Variants in KLK8 observed in about 807,000 individuals in gnomAD.
KLK8 encodes kallikrein related peptidase 8, also known as kallikrein-8.
Under a neutral mutation model 26.7 loss-of-function variants are expected in KLK8, and 18 were observed. That is an observed-to-expected ratio of 0.67 (90% CI 0.47 to 1.00). The LOEUF (loss-of-function observed/expected upper bound fraction) is 1.00. KLK8 is among the 50% of genes least tolerant of loss of function. The probability of loss-of-function intolerance (pLI) is 0.00; values close to 1 mark genes in which losing one functional copy is unlikely to be tolerated. For missense variants in KLK8, 301 were observed against 331.7 expected (o/e 0.91, Z 0.72); for synonymous variants, 137 against 127.1 (o/e 1.08, Z -0.52).
chr19:51,000,171 G>A, exon 5 of KLK8: 1 of 1,613,292 alleles, frequency 6.2e-7, no homozygotes, highest in South Asian at 1.1e-5. Context: ...TGTAGCAGGG[G>A]TGTGGGATGG....
chr19:50,998,771 C>T (rs761807807), intron 5 of KLK8, among the ~76,000 whole-genome samples: 6 of 152,176 alleles, frequency 3.9e-5, no homozygotes, highest in South Asian at 4.1e-4. Context: ...TACCATGTAG[C>T]AGGCACCATT....
chr19:51,001,117 C>T (rs1196201653), exon 3 of KLK8: 14 of 1,613,128 alleles, frequency 8.7e-6, no homozygotes, highest in Non-Finnish European at 1.0e-5. Context: ...CTCCCCCCAG[C>T]AAGAGCAGGA....
intron 2 of KLK8, 124 bp downstream of exon 1, chr19:51,001,408 G>C: frequency 1.9e-6 from 1 of 533,188 alleles, no homozygotes; most frequent in Non-Finnish European, 3.4e-6. Flanking sequence ...ATTAGGGAGA[G>C]GAGGAAGCCG....
At chr19:51,000,032 T>C (rs2091206648) in exon 5 of KLK8, 1 of 1,610,082 alleles carries the variant, frequency 6.2e-7, no homozygotes, top group Non-Finnish European at 8.5e-7. Flanking sequence ...CCTGAGACGG[T>C]GCACTTCTGG....
At chr19:50,997,695 A>T in intron 6 of KLK8, 56 bp downstream of exon 5, 1 of 1,602,050 alleles carries the variant, frequency 6.2e-7, no homozygotes, top group Non-Finnish European at 8.5e-7. Context: ...CCAAGCCTTG[A>T]ACCTCGAGAG....
chr19:50,996,279 C>T, intron 6 of KLK8, 65 bp from the exon 6 acceptor site: 1 of 1,562,706 alleles, frequency 6.4e-7, no homozygotes, highest in Non-Finnish European at 8.8e-7. Flanking sequence ...TTCCTGCTGT[C>T]CCAGCGTTTT....
rs527462727 is a variant in KLK8 at position 51,000,670 on chromosome 19, G to A, written c.71-87C>T. On this transcript the variant is annotated intron_variant, in intron 3 of 6. Coordinates refer to ENST00000600767, the Ensembl canonical transcript of KLK8. ...CCACTGTGGGTTCAAATGGACACAC[G>A]GCAAGTTCTCCGCATACAACTTAGT... 91 of 1,579,686 alleles carry A rather than the reference G, an allele frequency of 5.8e-5. No homozygotes were observed. Among genetic ancestry groups the A allele is most frequent in the African/African-American group, 3.4e-4 (25 of 74,194 alleles).
chr19:51,000,231 G>C (rs2091209076), exon 5 of KLK8: 1 of 1,597,346 alleles, frequency 6.3e-7, no homozygotes. Flanking sequence ...TCTGTAGGCT[G>C]TGGTCTCCCA....
In KLK8 at chr19:50,999,999, G is replaced by A. The variant is rs141364459; in HGVS notation, c.490C>T (p.Arg164Ter). ...CATTAGTGGACAAGCCCACTACCTC[G>A]GGGACTGGTGACAGTGCCCCAGCCT... The change falls in exon 5 of 7, where the codon CGA (arginine) becomes TGA (stop). Residue 164 changes from arginine to a stop codon, truncating the protein, a stop_gained. Transcript: ENST00000600767. LOFTEE classifies it high-confidence loss of function. 5.0e-6 allele frequency: 8 copies of A among 1,592,768 alleles called. No individual in the cohort carries two copies. In the Admixed American group the frequency reaches 8.4e-5, roughly 17 times the overall value.
chr19:50,998,255 C>T (rs2091188432), intron 5 of KLK8, among the ~76,000 whole-genome samples: 1 of 152,196 alleles, frequency 6.6e-6, no homozygotes, highest in Non-Finnish European at 1.5e-5. Context: ...AATCCTGCTC[C>T]TTCCAAGTGT....
At chr19:50,996,765 A>T (rs1722563) in intron 6 of KLK8, among the ~76,000 whole-genome samples, 64,457 of 146,756 alleles carry the variant, frequency 0.44, 14,822 homozygotes, top group African/African-American at 0.52. Context: ...CGAGGGTCCA[A>T]TCCAGGGAGA....
At chr19:50,996,342 G>C in intron 6 of KLK8, 128 bp from the exon 6 acceptor site, 1 of 943,862 alleles carries the variant, frequency 1.1e-6, no homozygotes, top group Admixed American at 2.3e-5. Context: ...TAAAAGCATT[G>C]TCCCCTGAGA....
chr19:50,999,851 A>T, intron 5 of KLK8, 145 bp downstream of exon 4: 1 of 852,712 alleles, frequency 1.2e-6, no homozygotes, highest in Non-Finnish European at 1.8e-6. Context: ...GAGGCTTCTC[A>T]TATGACTCCT....
chr19:51,000,167 A>T (rs767091435), exon 5 of KLK8: 5 of 1,613,622 alleles, frequency 3.1e-6, no homozygotes, highest in Non-Finnish European at 4.2e-6. Flanking sequence ...CTGTTGTAGC[A>T]GGGGTGTGGG....
intron 3 of KLK8, 174 bp from the exon 3 acceptor site, chr19:51,000,757 C>T: frequency 6.6e-7 from 1 of 1,512,446 alleles, no homozygotes; most frequent in Non-Finnish European, 8.9e-7. Flanking sequence ...CATGTGTCAT[C>T]ATACAAGAGT....
chr19:51,001,372 A>G (rs892646678), intron 2 of KLK8, among the ~76,000 whole-genome samples, 160 bp downstream of exon 1: 1 of 152,000 alleles, frequency 6.6e-6, no homozygotes, highest in African/African-American at 2.4e-5. Flanking sequence ...CTGAGGGGAC[A>G]GGGAGCTGGG....
intron 6 of KLK8, 62 bp downstream of exon 5, chr19:50,997,689 G>T: frequency 3.5e-5 from 54 of 1,553,718 alleles, no homozygotes; most frequent in Non-Finnish European, 4.4e-5. Context: ...CCCCATCCAA[G>T]CCTTGAACCT....
In KLK8 at chr19:51,001,171, G is replaced by A. The variant is rs748744358; in HGVS notation, c.-4C>T. 3.1e-6 allele frequency: 5 copies of A among 1,612,426 alleles called. No homozygotes were observed. In the African/African-American group the frequency reaches 4.0e-5, roughly 13 times the overall value. ...CACGAGGTCGGGGGCGTCCCATGGT[G>A]AGGTCTGGGAAATGGAGAGGGCGGG... On this transcript the variant is annotated 5_prime_UTR_variant, in exon 3 of 7. Transcript: ENST00000600767.
At chr19:50,997,686 C>A in intron 6 of KLK8, 65 bp downstream of exon 5, 1 of 1,595,012 alleles carries the variant, frequency 6.3e-7, no homozygotes, top group Non-Finnish European at 8.6e-7. Flanking sequence ...CACCCCCATC[C>A]AAGCCTTGAA....
Sources: allele counts gnomAD v4.1 joint callset (sites outside exome capture counted in the v4.1 genomes callset), GRCh38; gene constraint gnomAD v4.1.1; transcripts MANE v1.5; gene names NCBI Gene and HGNC (gene_info 2026-07-23, HGNC 2026-07-21).